Variants in USH2A observed in about 807,000 individuals in gnomAD.
USH2A encodes the protein usherin, also known as Usher syndrome 2A (autosomal recessive, mild).
USH2A carries 443 observed loss-of-function variants against 538.9 expected under a neutral mutation model. That is an observed-to-expected ratio of 0.82 (90% CI 0.76 to 0.89). The LOEUF (loss-of-function observed/expected upper bound fraction) is 0.89. Ranked by LOEUF, USH2A falls within the 40% of genes least tolerant of loss-of-function variation. The pLI is 0.00. For synonymous variants in USH2A, 2,413 were observed against 2,273.5 expected, an observed-to-expected ratio of 1.06 and a Z score of -1.75; for missense variants, 6,633 against 6,324.8, an observed-to-expected ratio of 1.05 and a Z score of -1.65.
At chr1:215,895,719 G>A (rs1295661111) in intron 40 of USH2A, among the ~76,000 whole-genome samples, 1 of 152,168 alleles carries the variant, frequency 6.6e-6, no homozygotes, top group Non-Finnish European at 1.5e-5. Context: ...GTAATGCAAT[G>A]AGCAAATATA....
chr1:215,833,629 C>G (rs1295076880), intron 47 of USH2A, among the ~76,000 whole-genome samples: 2 of 151,922 alleles, frequency 1.3e-5, no homozygotes, highest in East Asian at 1.9e-4. Flanking sequence ...GTGACCTTAA[C>G]TCAGGCAAAA....
chr1:216,023,085 G>A (rs1668877035), intron 32 of USH2A, among the ~76,000 whole-genome samples: 1 of 152,126 alleles, frequency 6.6e-6, no homozygotes, highest in Admixed American at 6.6e-5. Context: ...TGAGGGCAAT[G>A]AGGCAGTGAA....
chr1:215,702,282 T>C (rs1659050606), intron 61 of USH2A, among the ~76,000 whole-genome samples: 1 of 152,214 alleles, frequency 6.6e-6, no homozygotes, highest in African/African-American at 2.4e-5. Context: ...TTGGTGAATC[T>C]GATGATTACG....
chr1:215,986,885 T>C (rs1667885526), intron 35 of USH2A, among the ~76,000 whole-genome samples: 1 of 152,218 alleles, frequency 6.6e-6, no homozygotes, highest in South Asian at 2.1e-4. Flanking sequence ...AGGCCAGGAC[T>C]AGGGCAGTGA....
chr1:216,395,235 A>C (rs2039191027), intron 3 of USH2A, among the ~76,000 whole-genome samples: 1 of 152,232 alleles, frequency 6.6e-6, no homozygotes, highest in Non-Finnish European at 1.5e-5. Context: ...AATATTTAAC[A>C]ATCAACCGAA....
At chr1:216,409,570 A>G (rs1256557244) in intron 3 of USH2A, among the ~76,000 whole-genome samples, 2 of 152,210 alleles carry the variant, frequency 1.3e-5, no homozygotes, top group East Asian at 3.9e-4. Flanking sequence ...GCCCAGAAAT[A>G]AGGCCATCAC....
chr1:215,948,465 C>A (rs549318242), intron 37 of USH2A, among the ~76,000 whole-genome samples: 1 of 149,812 alleles, frequency 6.7e-6, no homozygotes, highest in East Asian at 1.9e-4. Context: ...CACACACACA[C>A]GTATATATGG....
intron 60 of USH2A, among the ~76,000 whole-genome samples, chr1:215,730,108 A>T (rs1281352152): frequency 1.3e-5 from 2 of 152,186 alleles, no homozygotes; most frequent in Admixed American, 1.3e-4. Flanking sequence ...GGTACTAAAT[A>T]TATATAGCAT....
At chr1:216,145,998 C>T (rs913659074) in intron 21 of USH2A, among the ~76,000 whole-genome samples, 14 of 152,208 alleles carry the variant, frequency 9.2e-5, no homozygotes, top group African/African-American at 3.4e-4. Context: ...AAATAAACAG[C>T]TTTATTGCTC....
chr1:215,776,415 T>C (rs949787508), intron 55 of USH2A, among the ~76,000 whole-genome samples: 1 of 152,220 alleles, frequency 6.6e-6, no homozygotes, highest in Non-Finnish European at 1.5e-5. Context: ...AAGCAATTTA[T>C]GGATTTCACA....
At chr1:216,122,222 C>A (rs182779177) in intron 21 of USH2A, among the ~76,000 whole-genome samples, 7 of 152,158 alleles carry the variant, frequency 4.6e-5, no homozygotes, top group Admixed American at 1.3e-4. Context: ...GTATGACTAC[C>A]CAGCTGCAAG....
At chr1:215,810,507 T>C (rs1662637070) in intron 49 of USH2A, among the ~76,000 whole-genome samples, 1 of 152,168 alleles carries the variant, frequency 6.6e-6, no homozygotes, top group Non-Finnish European at 1.5e-5. Context: ...GTTTGAATAG[T>C]TTGTTGCAAA....
At chr1:215,821,835 C>T (rs891500684) in intron 47 of USH2A, among the ~76,000 whole-genome samples, 5 of 151,770 alleles carry the variant, frequency 3.3e-5, no homozygotes, top group Admixed American at 2.0e-4. Context: ...TATCATTCTT[C>T]TGCATATGGA....
intron 70 of USH2A, among the ~76,000 whole-genome samples, chr1:215,631,227 A>AGTGTGTGTGTGTGTGT (rs145355299): frequency 1.2e-3 from 178 of 148,546 alleles, no homozygotes; most frequent in African/African-American, 4.3e-3. Context: ...GAGGGGGAGA[A>AGTGTGTGTGTGTGTGT]GTGTGTGTGT....
Position 215,628,907 on chromosome 1 carries a change from G to A in USH2A, c.15426C>T (p.His5142=), listed in dbSNP as rs1656160206. The part of the protein sequence containing the change: ...TSLTYSQGSL[H]RSVSQLMDIQ... ...TGTCCATGAGCTGGCTGACGCTGCG[G>A]TGAAGAGAACCCTGGGAGTAGGTTA... is the stretch of plus-strand genomic sequence containing the variant. The change falls in exon 71 of 72, where the codon CAC becomes CAT. Residue 5142 remains histidine (H), a synonymous_variant. Transcript: ENST00000307340. 1.2e-6 allele frequency: 2 copies of A among 1,614,178 alleles called. No individual in the cohort carries two copies. Among genetic ancestry groups the A allele is most frequent in the East Asian group, 4.5e-5 (2 of 44,866 alleles).
chr1:216,127,884 C>T (rs566658022), intron 21 of USH2A, among the ~76,000 whole-genome samples: 1 of 152,176 alleles, frequency 6.6e-6, no homozygotes, highest in African/African-American at 2.4e-5. Flanking sequence ...AAAATAACTG[C>T]CAACCAGATT....
chr1:215,962,134 C>T (rs764520422), intron 37 of USH2A, among the ~76,000 whole-genome samples: 1 of 151,870 alleles, frequency 6.6e-6, no homozygotes, highest in Non-Finnish European at 1.5e-5. Context: ...TTTAACATAT[C>T]GAATTGGCAA....
intron 4 of USH2A, among the ~76,000 whole-genome samples, chr1:216,337,609 T>C (rs542726708): frequency 6.6e-6 from 1 of 151,568 alleles, no homozygotes; most frequent in Non-Finnish European, 1.5e-5. Context: ...ATTAAAGCAA[T>C]GACAAGTTGA....
At chr1:215,903,730 A>G (rs1228374298) in intron 38 of USH2A, among the ~76,000 whole-genome samples, 1 of 152,126 alleles carries the variant, frequency 6.6e-6, no homozygotes, top group Non-Finnish European at 1.5e-5. Flanking sequence ...GCAGTTTCTT[A>G]GTGAGCAAAA....
Sources: allele counts gnomAD v4.1 joint callset (sites outside exome capture counted in the v4.1 genomes callset), GRCh38; gene constraint gnomAD v4.1.1; transcripts MANE v1.5; gene names NCBI Gene and HGNC (gene_info 2026-07-23, HGNC 2026-07-21).